Variants in ADAMTS16 observed in about 807,000 individuals in gnomAD.
ADAMTS16 encodes A disintegrin and metalloproteinase with thrombospondin motifs 16.
A neutral mutation model predicts 145.8 loss-of-function variants in ADAMTS16; 94 were observed. That is an observed-to-expected ratio of 0.64 (90% CI 0.55 to 0.77). The LOEUF is 0.77. ADAMTS16 is among the 30% of genes least tolerant of loss of function. ADAMTS16 has a pLI of 0.00. For missense variants in ADAMTS16, 1,585 were observed against 1,591.5 expected (o/e 1.00, Z 0.07); for synonymous variants, 659 against 604.3 (o/e 1.09, Z -1.33).
In ADAMTS16 at chr5:5,190,162, G is replaced by A. The variant is rs577681378; in HGVS notation, c.1207+32G>A. ...ACCTCCAGCAGAGTGTGAGGACCGT[G>A]TGTGGAATGTGCACCCCTGGCCGTG... On this transcript the variant is annotated intron_variant, in intron 7 of 22. Coordinates refer to ENST00000274181, the MANE Select transcript of ADAMTS16 (RefSeq NM_139056.4). 34 of 1,536,306 alleles carry A rather than the reference G, an allele frequency of 2.2e-5. No homozygotes were observed. The South Asian group carries it at 3.5e-4, about 16-fold the overall frequency.
chr5:5,311,510 C>T (rs1179885969), intron 21 of ADAMTS16, among the ~76,000 whole-genome samples: 14 of 150,526 alleles, frequency 9.3e-5, no homozygotes, highest in Admixed American at 8.6e-4. Context: ...TCCGGGTGTG[C>T]ATGTGTGAGA....
At chr5:5,234,869 C>CA (rs1553993127) in intron 12 of ADAMTS16, 145 bp from the exon 13 acceptor site, 2,286 of 56,320 alleles carry the variant, frequency 0.041, no homozygotes, top group Middle Eastern at 0.062. Context: ...GACTCCATCT[C>CA]AAAAAAAAAA....
intron 2 of ADAMTS16, 42 bp from the exon 3 acceptor site, chr5:5,146,088 A>G: frequency 6.5e-7 from 1 of 1,538,002 alleles, no homozygotes. Flanking sequence ...TCTTCTCGGA[A>G]TTCCGAAATG....
At chr5:5,167,725 C>T (rs911696955) in intron 3 of ADAMTS16, among the ~76,000 whole-genome samples, 1 of 152,210 alleles carries the variant, frequency 6.6e-6, no homozygotes, top group African/African-American at 2.4e-5. Context: ...GTGTTAATTA[C>T]CCAGGGTTCC....
At chr5:5,225,861 T>G (rs907521599) in intron 11 of ADAMTS16, among the ~76,000 whole-genome samples, 1 of 152,094 alleles carries the variant, frequency 6.6e-6, no homozygotes, top group Admixed American at 6.5e-5. Flanking sequence ...GTGAAGATAA[T>G]TAATTCACAT....
chr5:5,200,412 C>A, intron 9 of ADAMTS16, 143 bp downstream of exon 9: 1 of 1,109,982 alleles, frequency 9.0e-7, no homozygotes, highest in Non-Finnish European at 1.3e-6. Context: ...TTCAGTTGAC[C>A]GAAGAGTTTG....
At chr5:5,285,225 A>G (rs1274301783) in intron 18 of ADAMTS16, among the ~76,000 whole-genome samples, 6 of 152,222 alleles carry the variant, frequency 3.9e-5, no homozygotes, top group Non-Finnish European at 5.9e-5. Context: ...TACCAAAGAC[A>G]TTAACTCAGA....
At chr5:5,244,844 G>A (rs72724173) in intron 17 of ADAMTS16, among the ~76,000 whole-genome samples, 20,388 of 152,204 alleles carry the variant, frequency 0.13, 1,695 homozygotes, top group South Asian at 0.19. Flanking sequence ...ACACGTAGGC[G>A]GTGCTCATGT....
chr5:5,215,931 C>A (rs1736427692), intron 10 of ADAMTS16, among the ~76,000 whole-genome samples: 1 of 117,932 alleles, frequency 8.5e-6, no homozygotes, highest in Non-Finnish European at 1.7e-5. Flanking sequence ...TTTCTTTGTC[C>A]ACTTGTTGAT....
chr5:5,239,551 C>G, intron 15 of ADAMTS16, 130 bp from the exon 16 acceptor site: 1 of 1,359,670 alleles, frequency 7.4e-7, no homozygotes, highest in East Asian at 2.3e-5. Context: ...AACTGATCAC[C>G]AGAACACGTC....
At chr5:5,290,690 A>G (rs896376773) in intron 18 of ADAMTS16, among the ~76,000 whole-genome samples, 1 of 152,182 alleles carries the variant, frequency 6.6e-6, no homozygotes, top group Non-Finnish European at 1.5e-5. Context: ...AGGCGCTAAA[A>G]TTCTTGTTTC....
intron 12 of ADAMTS16, among the ~76,000 whole-genome samples, chr5:5,234,237 G>T (rs1432847792): frequency 1.3e-5 from 2 of 152,246 alleles, no homozygotes; most frequent in Non-Finnish European, 2.9e-5. Flanking sequence ...AAAGGTGACT[G>T]GTTCTTTAGT....
chr5:5,165,965 G>T (rs542218710), intron 3 of ADAMTS16, among the ~76,000 whole-genome samples: 7 of 152,172 alleles, frequency 4.6e-5, no homozygotes, highest in Admixed American at 6.5e-5. Flanking sequence ...CGACTCCCTC[G>T]CACTGTCCTT....
intron 17 of ADAMTS16, among the ~76,000 whole-genome samples, chr5:5,259,615 C>G (rs558843392): frequency 1.8e-4 from 27 of 152,326 alleles, no homozygotes; most frequent in Admixed American, 6.5e-4. Flanking sequence ...GGTCCCACTA[C>G]TGAATCCACA....
At chr5:5,256,831 C>G (rs1367149974) in intron 17 of ADAMTS16, among the ~76,000 whole-genome samples, 1 of 152,088 alleles carries the variant, frequency 6.6e-6, no homozygotes, top group African/African-American at 2.4e-5. Flanking sequence ...AGAATCACAC[C>G]TCCTAAAAAG....
At chr5:5,215,570 G>T (rs575277057) in intron 10 of ADAMTS16, among the ~76,000 whole-genome samples, 4 of 151,536 alleles carry the variant, frequency 2.6e-5, no homozygotes, top group Non-Finnish European at 5.9e-5. Flanking sequence ...CCATATATCA[G>T]TGAGAACATA....
At chr5:5,151,722 GT>G (rs1734466934) in intron 3 of ADAMTS16, among the ~76,000 whole-genome samples, 16 of 133,280 alleles carry the variant, frequency 1.2e-4, no homozygotes, top group Admixed American at 1.1e-3. Context: ...GTGTGTGTGT[GT>G]GTATGTGTGT....
intron 17 of ADAMTS16, 117 bp from the exon 18 acceptor site, chr5:5,262,540 C>T: frequency 7.0e-7 from 1 of 1,427,632 alleles, no homozygotes; most frequent in Non-Finnish European, 9.3e-7. Flanking sequence ...GTCATTAACA[C>T]AAACACATGC....
Position 5,146,206 on chromosome 5 carries a change from G to A in ADAMTS16, c.252G>A (p.Arg84=), listed in dbSNP as rs199649146. The A allele has an allele frequency of 3.9e-4, 629 of 1,614,182 alleles. No individual in the cohort carries two copies. The highest frequency in any genetic ancestry group is 7.2e-4 in the Admixed American group (43 of 60,032). ...YVSHEIMHHQ[R]RRRAVPVSEV... ...CCCATGAAATCATGCACCATCAGCGGCGGAGAAGAGCAGTGCCCGTGTCCG... is the reference window on the plus strand; with the variant it reads ...CCCATGAAATCATGCACCATCAGCGACGGAGAAGAGCAGTGCCCGTGTCCG... The change falls in exon 3 of 23, where the codon CGG becomes CGA. Residue 84 remains arginine, a synonymous_variant. Coordinates refer to ENST00000274181, the MANE Select transcript of ADAMTS16 (RefSeq NM_139056.4).
Sources: gnomAD v4.1 joint callset for allele counts (sites outside exome capture counted in the v4.1 genomes callset) on GRCh38, gnomAD v4.1.1 for gene constraint, MANE v1.5 for transcripts, NCBI Gene and HGNC (gene_info 2026-07-23, HGNC 2026-07-21) for gene names.